Variants in COMP observed in about 807,000 individuals in gnomAD.
The protein encoded by COMP is cartilage oligomeric matrix protein.
COMP carries 79 observed loss-of-function variants against 95.8 expected under a neutral mutation model. The observed-to-expected ratio is 0.82, with a 90% CI of 0.69 to 0.99. The LOEUF (loss-of-function observed/expected upper bound fraction) is 0.99. Among genes scored for constraint, COMP ranks in the 50% least tolerant of loss-of-function variants. COMP has a pLI of 0.00. For missense variants in COMP, 906 were observed against 1,076.1 expected (o/e 0.84, Z 2.21); for synonymous variants, 438 against 433.9 (o/e 1.01, Z -0.12).
At chr19:18,786,724 CTGAGG>C in intron 10 of COMP, 74 bp from the exon 11 acceptor site, 1 of 1,029,628 alleles carries the variant, frequency 9.7e-7, no homozygotes, top group East Asian at 2.6e-5. Context: ...TGAGGCCAGC[CTGAGG>C]CTGGCCTGGA....
At chr19:18,790,649 C>A in intron 2 of COMP, 36 bp from the exon 3 acceptor site, 1 of 1,613,872 alleles carries the variant, frequency 6.2e-7, no homozygotes. Flanking sequence ...GGGTCCCAAC[C>A]TCTCCTCATC....
At position 18,788,642 on chromosome 19, in the gene COMP, G is replaced by T; in HGVS notation, c.712C>A (p.His238Asn). 3.9e-6 allele frequency: 6 copies of T among 1,546,828 alleles called. No individual in the cohort carries two copies. Among genetic ancestry groups the T allele is most frequent in the Non-Finnish European group, 5.2e-6 (6 of 1,146,510 alleles). Reference sequence around the variant, plus strand: ...TCTAGGACGCAGTCTGCATGCTCGTGGCACTCGCTGGGCGAGCCGTCGGGG... The same window carrying T: ...TCTAGGACGCAGTCTGCATGCTCGTTGCACTCGCTGGGCGAGCCGTCGGGG... The part of the protein sequence containing the change: ...FCPDGSPSEC[H>N]EHADCVLERD... The change falls in exon 7 of 19, where the codon CAC becomes AAC. Residue 238 changes from histidine to asparagine, a missense_variant. Physicochemically the swap from His to Asn is moderately conservative, Grantham distance 68. Coordinates refer to ENST00000222271, the MANE Select transcript of COMP (RefSeq NM_000095.3). The surrounding 1 kb of genome is among the most constrained non-coding windows in gnomAD (Gnocchi z 4.7).
At chr19:18,786,840 T>C (rs1343145268) in intron 10 of COMP, 190 bp from the exon 11 acceptor site, 1 of 500,084 alleles carries the variant, frequency 2.0e-6, no homozygotes, top group African/African-American at 2.1e-5. Context: ...TGGCATGATC[T>C]CGGCTCACTG....
chr19:18,790,249 T>C, intron 3 of COMP, 135 bp from the exon 4 acceptor site: 1 of 612,126 alleles, frequency 1.6e-6, no homozygotes, highest in Non-Finnish European at 2.6e-6. Flanking sequence ...CCCGAAATCC[T>C]GCGCTGTCCG....
intron 3 of COMP, 72 bp downstream of exon 3, chr19:18,790,490 T>G: frequency 6.3e-7 from 1 of 1,592,512 alleles, no homozygotes; most frequent in Non-Finnish European, 8.6e-7. Context: ...CAGCTTTCCC[T>G]GGCTCTCTGT....
chr19:18,788,476 A>T lies in COMP; in HGVS notation c.801T>A (p.Gly267=), dbSNP rs758535737. Residue 267 remains glycine, a synonymous_variant, in exon 8 of 19, where the codon GGT becomes GGA. Coordinates refer to ENST00000222271, the MANE Select transcript of COMP (RefSeq NM_000095.3). This position sits in a 1 kb window ranked among gnomAD's most constrained non-coding sequence, Gnocchi z 4.7. The part of the protein sequence containing the change: ...VGWAGNGILC[G]RDTDLDGFPD... ...GGAAGCCGTCTAGGTCAGTGTCGCG[A>T]CCACAGAGGATCCCGTTGCCGGCCC... 4 of 1,599,020 alleles carry T rather than the reference A, an allele frequency of 2.5e-6. No homozygotes were observed. The highest frequency in any genetic ancestry group is 3.4e-6 in the Non-Finnish European group (4 of 1,172,506).
At chr19:18,787,012 C>A (rs899671944) in intron 10 of COMP, 2 of 337,370 alleles carry the variant, frequency 5.9e-6, no homozygotes, top group Admixed American at 4.7e-5. Flanking sequence ...ACCTCGTGAT[C>A]CACCTGCCTC....
At chr19:18,790,152 G>T (rs1453107011) in intron 3 of COMP, 38 bp from the exon 4 acceptor site, 2 of 1,467,328 alleles carry the variant, frequency 1.4e-6, no homozygotes, top group Admixed American at 2.1e-5. Context: ...GGGGCTGATC[G>T]GTGGCTCGCC....
chr19:18,785,681 G>C lies in COMP; in HGVS notation c.1660C>G (p.Leu554Val). The C allele has an allele frequency of 6.2e-7, 1 of 1,613,320 alleles. No individual in the cohort carries two copies. Among genetic ancestry groups the C allele is most frequent in the Non-Finnish European group, 8.5e-7 (1 of 1,180,000 alleles). The stretch of plus-strand genomic sequence containing the variant: ...GTGGACCCCGCTCCCACCTGGTTGA[G>C]CACCACCCAGTTGGGGTCAATCTGC... ...DAQIDPNWVV[L>V]NQGREIVQTM... is the part of the protein sequence containing the mutation. Residue 554 changes from leucine to valine, a missense_variant, in exon 14 of 19, where the codon CTC becomes GTC. Leu to Val is a conservative substitution (Grantham distance 32, BLOSUM62 1). Transcript: ENST00000222271.
In COMP at chr19:18,782,832, G is replaced by T; in HGVS notation, c.*83C>A. ...GCCCTTCTCACTTCCCCCTCAGGACGGCCACCCCTTGGGGCTGGGTGCAGA... is the reference window on the plus strand; with the variant it reads ...GCCCTTCTCACTTCCCCCTCAGGACTGCCACCCCTTGGGGCTGGGTGCAGA... On this transcript the variant is annotated 3_prime_UTR_variant, in exon 19 of 19. Transcript: ENST00000222271. 6.7e-7 allele frequency: 1 copy of T among 1,484,574 alleles called. No homozygotes were observed. Among genetic ancestry groups the T allele is most frequent in the East Asian group, 2.3e-5 (1 of 44,292 alleles). 92.0% of individuals were successfully genotyped at this position (1,484,574 alleles called of 1,614,324 possible).
In COMP at chr19:18,786,221, C is replaced by T. The variant is rs747972155; in HGVS notation, c.1307+18G>A. ...TGTCAAAGGCTACCCGGACGCCCAC[C>T]CCAGGTGGCCTCCTTACTGGTCTTG... On this transcript the variant is annotated intron_variant, in intron 12 of 18. Coordinates refer to ENST00000222271, the MANE Select transcript of COMP (RefSeq NM_000095.3). The T allele has an allele frequency of 6.2e-7, 1 of 1,614,036 alleles. No individual in the cohort carries two copies. The highest frequency in any genetic ancestry group is 1.3e-5 in the African/African-American group (1 of 74,938).
rs534971433 is a variant in COMP at position 18,785,363 on chromosome 19, C to T, written c.1717+135G>A. ...CGGGCCCGCCCATATAACCCCGCCCCTCTGTCCCCGCCCTTCCTGAGCCCG... is the reference window on the plus strand; with the variant it reads ...CGGGCCCGCCCATATAACCCCGCCCTTCTGTCCCCGCCCTTCCTGAGCCCG... On this transcript the variant is annotated intron_variant, in intron 15 of 18. Coordinates refer to ENST00000222271, the MANE Select transcript of COMP (RefSeq NM_000095.3). 50 of 1,206,324 alleles carry T rather than the reference C, an allele frequency of 4.1e-5. No homozygotes were observed. The African/African-American group carries it at 5.8e-4, about 14-fold the overall frequency. The allele number at this position is 1,206,324 out of a possible 1,614,324, so 74.7% of individuals were successfully genotyped here.
chr19:18,785,614 T>C, intron 14 of COMP, 59 bp downstream of exon 14: 2 of 1,613,654 alleles, frequency 1.2e-6, no homozygotes, highest in Non-Finnish European at 1.7e-6. Context: ...GTCCTCAGCA[T>C]AGGCCTCACT....
At position 18,789,046 on chromosome 19, in the gene COMP, C is replaced by T. The variant is rs2055191447; in HGVS notation, c.528+114G>A. 1 of 1,536,858 alleles carries T rather than the reference C, an allele frequency of 6.5e-7. No individual in the cohort carries two copies. Among genetic ancestry groups the T allele is most frequent in the Non-Finnish European group, 8.8e-7 (1 of 1,132,068 alleles). ...ACCGATCAGCCCTGGCGCAGCGGAC[C>T]CCTCCTCTCCCCACCCCTCCCGCTG... On this transcript the variant is annotated intron_variant, in intron 5 of 18. Transcript: ENST00000222271. The surrounding 1 kb of genome is among the most constrained non-coding windows in gnomAD (Gnocchi z 6.1).
At chr19:18,783,506 A>G (rs892650033) in intron 17 of COMP, among the ~76,000 whole-genome samples, 33 of 152,270 alleles carry the variant, frequency 2.2e-4, no homozygotes, top group African/African-American at 5.8e-4. Flanking sequence ...TCTGTCACCC[A>G]GGCTGGAGTG....
In COMP at chr19:18,789,910, G is replaced by C; in HGVS notation, c.390+32C>G. The stretch of plus-strand genomic sequence containing the variant: ...AGATTGGGGGGCGGTAGAGGGAGTC[G>C]TCAGGGCGGTGGAGTGTCGGGGCTA... On this transcript the variant is annotated intron_variant, in intron 4 of 18. Coordinates refer to ENST00000222271, the MANE Select transcript of COMP (RefSeq NM_000095.3). This position sits in a 1 kb window ranked among gnomAD's most constrained non-coding sequence, Gnocchi z 6.1. 6.3e-7 allele frequency: 1 copy of C among 1,593,828 alleles called. No individual in the cohort carries two copies. Among genetic ancestry groups the C allele is most frequent in the South Asian group, 1.1e-5 (1 of 90,402 alleles).
intron 14 of COMP, 58 bp from the exon 15 acceptor site, chr19:18,785,604 G>A (rs1354928675): frequency 3.7e-6 from 6 of 1,613,548 alleles, no homozygotes; most frequent in Non-Finnish European, 5.1e-6. Flanking sequence ...TAGGCACCCT[G>A]TCCTCAGCAT....
chr19:18,788,384 G>C lies in COMP; in HGVS notation c.867+26C>G. On this transcript the variant is annotated intron_variant, in intron 8 of 18. Coordinates refer to ENST00000222271, the MANE Select transcript of COMP (RefSeq NM_000095.3). The surrounding 1 kb of genome is among the most constrained non-coding windows in gnomAD (Gnocchi z 4.7). ...AAGTCCCGCCCTCCCTCCTGCCCAA[G>C]CCCGCCCCGCTCCGCCCCCACCCAC... 1 of 1,516,158 alleles carries C rather than the reference G, an allele frequency of 6.6e-7. No individual in the cohort carries two copies. Among genetic ancestry groups the C allele is most frequent in the Non-Finnish European group, 9.1e-7 (1 of 1,098,428 alleles). 93.9% of individuals were successfully genotyped at this position (1,516,158 alleles called of 1,614,324 possible).
At position 18,784,436 on chromosome 19, in the gene COMP, G is replaced by C; in HGVS notation, c.1915-73C>G. Reference sequence around the variant, plus strand: ...GCCCCCCTAGACACCTTCCTGGAGAGACAGTTGGGAGCAGCAGGTGGTGGG... The same window carrying C: ...GCCCCCCTAGACACCTTCCTGGAGACACAGTTGGGAGCAGCAGGTGGTGGG... On this transcript the variant is annotated intron_variant, in intron 16 of 18. Transcript: ENST00000222271. This position sits in a 1 kb window ranked among gnomAD's most constrained non-coding sequence, Gnocchi z 4.9. 3 of 1,574,058 alleles carry C rather than the reference G, an allele frequency of 1.9e-6. No individual in the cohort carries two copies. The highest frequency in any genetic ancestry group is 2.6e-6 in the Non-Finnish European group (3 of 1,148,194).
Sources: gnomAD v4.1 joint callset for allele counts (sites outside exome capture counted in the v4.1 genomes callset) on GRCh38, gnomAD v4.1.1 for gene constraint, Gnocchi (gnomAD v3.1) non-coding constraint, MANE v1.5 for transcripts, NCBI Gene and HGNC (gene_info 2026-07-23, HGNC 2026-07-21) for gene names.